The following SULF2 variants were observed in gnomAD, a reference collection of about 807,000 sequenced individuals.
The protein encoded by SULF2 is sulfatase 2.
A neutral mutation model predicts 107.7 loss-of-function variants in SULF2; 52 were observed. The ratio of observed to expected loss-of-function variants is 0.48; its 90% CI spans 0.39 to 0.61. The LOEUF (loss-of-function observed/expected upper bound fraction) is 0.61. Among genes scored for constraint, SULF2 ranks in the 20% least tolerant of loss-of-function variants. SULF2 has a pLI of 0.00. For missense variants in SULF2, 993 were observed against 1,177.3 expected (o/e 0.84, Z 2.29); for synonymous variants, 460 against 464.3 (o/e 0.99, Z 0.12).
In SULF2 at chr20:47,694,600, A is replaced by C. The variant is rs1486555434; in HGVS notation, c.568-4305T>G. 2.0e-5 allele frequency among the ~76,000 whole-genome samples: 3 copies of C among 151,788 alleles called. No individual in the cohort carries two copies. Among genetic ancestry groups the C allele is most frequent in the Non-Finnish European group, 2.9e-5 (2 of 68,016 alleles). ...CTGAGAAGCCACAGCTGGGACCCCG[A>C]GGTGCAACCGGCCCCCTCTGGCAAG... On this transcript the variant is annotated intron_variant, in intron 4 of 20. Coordinates refer to ENST00000688720, the MANE Select transcript of SULF2 (RefSeq NM_001387048.1). This position sits in a 1 kb window ranked among gnomAD's most constrained non-coding sequence, Gnocchi z 4.4.
At chr20:47,747,436 T>G (rs1306659829) in intron 2 of SULF2, among the ~76,000 whole-genome samples, 1 of 152,134 alleles carries the variant, frequency 6.6e-6, no homozygotes, top group Non-Finnish European at 1.5e-5. Context: ...TCTGCTATGG[T>G]CATCGTCAAC....
intron 4 of SULF2, among the ~76,000 whole-genome samples, chr20:47,697,304 T>C (rs2088412328): frequency 6.6e-6 from 1 of 152,220 alleles, no homozygotes; most frequent in South Asian, 2.1e-4. Context: ...TTTGGTGGCA[T>C]GTGCCCATCT....
chr20:47,755,247 G>A (rs1568907096), intron 2 of SULF2, among the ~76,000 whole-genome samples: 1 of 152,306 alleles, frequency 6.6e-6, no homozygotes, highest in East Asian at 1.9e-4. Context: ...AGTCAGCCAC[G>A]GCTTTCTTTG....
At chr20:47,731,677 G>A (rs531895492) in intron 3 of SULF2, among the ~76,000 whole-genome samples, 1 of 152,320 alleles carries the variant, frequency 6.6e-6, no homozygotes, top group East Asian at 1.9e-4. Flanking sequence ...TCAGAACCGA[G>A]GGGGACACAG....
intron 2 of SULF2, among the ~76,000 whole-genome samples, chr20:47,754,667 C>T (rs1238545151): frequency 1.3e-5 from 2 of 152,224 alleles, no homozygotes. Context: ...TTCAGAAGCA[C>T]TCCCTTGTCT....
rs559549577 is a variant in SULF2, at chr20:47,773,227, C to A, written c.-101+12116G>T. 1.4e-3 allele frequency among the ~76,000 whole-genome samples: 213 copies of A among 152,288 alleles called. 1 individual carries two copies. The highest frequency in any genetic ancestry group is 0.012 in the Admixed American group (183 of 15,294). Reference sequence around the variant, plus strand: ...AGGCCAGGCCTCTGTCCTCATGGAGCTGTGATACCTTGGTGGAGGAGAAAA... The same window carrying A: ...AGGCCAGGCCTCTGTCCTCATGGAGATGTGATACCTTGGTGGAGGAGAAAA... On this transcript the variant is annotated intron_variant, in intron 1 of 20. Coordinates refer to ENST00000688720, the MANE Select transcript of SULF2 (RefSeq NM_001387048.1).
intron 2 of SULF2, among the ~76,000 whole-genome samples, chr20:47,755,501 C>T (rs2090260104): frequency 6.6e-6 from 1 of 152,158 alleles, no homozygotes; most frequent in Non-Finnish European, 1.5e-5. Context: ...TTGATTCGGG[C>T]CCCAAATCTA....
chr20:47,686,458 G>A (rs896097351), intron 5 of SULF2, among the ~76,000 whole-genome samples: 18 of 152,184 alleles, frequency 1.2e-4, no homozygotes, highest in African/African-American at 3.4e-4. Context: ...GGGCTTCCTC[G>A]CCCTGGGCCT....
chr20:47,661,500 A>G, intron 18 of SULF2: 1 of 287,284 alleles, frequency 3.5e-6, no homozygotes, highest in Non-Finnish European at 6.8e-6. Flanking sequence ...GTGTTTGTTG[A>G]ATGCATGAGT....
intron 1 of SULF2, among the ~76,000 whole-genome samples, chr20:47,778,154 C>T (rs1351866735): frequency 6.6e-6 from 1 of 152,114 alleles, no homozygotes; most frequent in East Asian, 1.9e-4. Context: ...AACAAAAAAG[C>T]TCCTCTTCTC....
intron 1 of SULF2, among the ~76,000 whole-genome samples, chr20:47,781,330 G>T (rs1274743069): frequency 2.0e-5 from 3 of 152,252 alleles, no homozygotes; most frequent in East Asian, 3.9e-4. Context: ...CAGCAACCGG[G>T]CTTCCCTTTC....
At chr20:47,660,328 A>G (rs2087024278) in intron 18 of SULF2, among the ~76,000 whole-genome samples, 1 of 152,226 alleles carries the variant, frequency 6.6e-6, no homozygotes, top group Non-Finnish European at 1.5e-5. Flanking sequence ...TTAGGAAGCT[A>G]CTAGTGAAAA....
In SULF2 at chr20:47,661,767, A is replaced by G. The variant is rs1310087566; in HGVS notation, c.2494+6T>C. On this transcript the variant is annotated splice_donor_region_variant and intron_variant, in intron 18 of 20. Transcript: ENST00000688720. ...CCAAGGGCCCCACGTTGGGGTGCCT[A>G]CTCACCCAGGTCCATGTTTCGAGTC... The G allele has an allele frequency of 3.9e-6, 6 of 1,526,392 alleles. No homozygotes were observed. The highest frequency in any genetic ancestry group is 5.4e-6 in the Non-Finnish European group (6 of 1,121,454). The allele number at this position is 1,526,392 out of a possible 1,614,324, so 94.6% of individuals were successfully genotyped here. A position where few individuals can be genotyped will look rare whatever the true frequency, so the allele number is the denominator to read the frequency against.
At position 47,666,565 on chromosome 20, in the gene SULF2, T is replaced by C. The variant is rs1451704556; in HGVS notation, c.1577-77A>G. ...GGCTCCCAGGGCAGTGGGTCCTTCATCAAGATAGGGCCGGGCTTCCAAGCA... is the reference window on the plus strand; with the variant it reads ...GGCTCCCAGGGCAGTGGGTCCTTCACCAAGATAGGGCCGGGCTTCCAAGCA... On this transcript the variant is annotated intron_variant, in intron 11 of 20. Transcript: ENST00000688720. The surrounding 1 kb of genome is among the most constrained non-coding windows in gnomAD (Gnocchi z 5.4). 2 of 1,183,820 alleles carry C rather than the reference T, an allele frequency of 1.7e-6. No individual in the cohort carries two copies. The highest frequency in any genetic ancestry group is 1.3e-5 in the South Asian group (1 of 75,168). The allele number at this position is 1,183,820 out of a possible 1,614,324, so 73.3% of individuals were successfully genotyped here.
chr20:47,708,565 T>C (rs905435367), intron 3 of SULF2, among the ~76,000 whole-genome samples: 1 of 152,186 alleles, frequency 6.6e-6, no homozygotes, highest in Non-Finnish European at 1.5e-5. Flanking sequence ...ACAAGTCATT[T>C]AAGAAGCACA....
chr20:47,782,492 A>G (rs1477294036), intron 1 of SULF2, among the ~76,000 whole-genome samples: 1 of 152,132 alleles, frequency 6.6e-6, no homozygotes, highest in Non-Finnish European at 1.5e-5. Flanking sequence ...GCAGATCAGC[A>G]TTGAGAGAGG....
chr20:47,659,890 T>C (rs910512078), intron 18 of SULF2, among the ~76,000 whole-genome samples, 160 bp from the exon 19 acceptor site: 1 of 152,136 alleles, frequency 6.6e-6, no homozygotes, highest in Non-Finnish European at 1.5e-5. Context: ...TAGACTGAAT[T>C]ATGAGGGGAA....
intron 2 of SULF2, among the ~76,000 whole-genome samples, chr20:47,745,594 T>C (rs908872688): frequency 2.0e-5 from 3 of 151,754 alleles, no homozygotes; most frequent in African/African-American, 7.3e-5. Context: ...AATGGCACCA[T>C]CTCGGTTCAT....
At chr20:47,776,059 C>A (rs1400625749) in intron 1 of SULF2, among the ~76,000 whole-genome samples, 1 of 152,122 alleles carries the variant, frequency 6.6e-6, no homozygotes, top group Non-Finnish European at 1.5e-5. Context: ...TCTCATCTGG[C>A]CACTTTTGGT....
Sources: gnomAD v4.1 joint callset for allele counts (sites outside exome capture counted in the v4.1 genomes callset) on GRCh38, gnomAD v4.1.1 for gene constraint, Gnocchi (gnomAD v3.1) non-coding constraint, MANE v1.5 for transcripts, NCBI Gene and HGNC (gene_info 2026-07-23, HGNC 2026-07-21) for gene names.